The following TMEM98 variants were observed in gnomAD, a reference collection of about 807,000 sequenced individuals.
The protein encoded by TMEM98 is transmembrane protein 98.
Under a neutral mutation model 25.0 loss-of-function variants are expected in TMEM98, and 18 were observed. The ratio of observed to expected loss-of-function variants is 0.72; its 90% CI spans 0.50 to 1.07. TMEM98 has a LOEUF of 1.07. Among genes scored for constraint, TMEM98 ranks in the 50% least tolerant of loss-of-function variants. The probability of loss-of-function intolerance (pLI) is 0.00; values close to 1 mark genes in which losing one functional copy is unlikely to be tolerated. For missense variants in TMEM98, 241 were observed against 289.0 expected, an observed-to-expected ratio of 0.83 and a Z score of 1.20; for synonymous variants, 103 against 112.4, an observed-to-expected ratio of 0.92 and a Z score of 0.53.
intron 6 of TMEM98, among the ~76,000 whole-genome samples, chr17:32,938,812 C>A (rs541286092): frequency 6.6e-6 from 1 of 152,332 alleles, no homozygotes; most frequent in African/African-American, 2.4e-5. Flanking sequence ...TTCCCAACCC[C>A]ACATTTCAGA....
intron 1 of TMEM98, among the ~76,000 whole-genome samples, chr17:32,930,601 TAGAA>T (rs2091463027): frequency 6.6e-6 from 1 of 152,236 alleles, no homozygotes. Flanking sequence ...CTTTCTTCCT[TAGAA>T]AGGAAAAGTA....
intron 5 of TMEM98, among the ~76,000 whole-genome samples, chr17:32,935,923 C>T (rs2091493594): frequency 6.6e-6 from 1 of 152,102 alleles, no homozygotes; most frequent in Non-Finnish European, 1.5e-5. Flanking sequence ...AACAATTGCC[C>T]TTTGTTCAGC....
rs1186896118 is a variant in TMEM98, at chr17:32,931,499, C to T, written c.-30C>T. 1.3e-6 allele frequency: 2 copies of T among 1,599,770 alleles called. No individual in the cohort carries two copies. Among genetic ancestry groups the T allele is most frequent in the Non-Finnish European group, 8.5e-7 (1 of 1,173,394 alleles). On this transcript the variant is annotated 5_prime_UTR_variant, in exon 3 of 8. Transcript: ENST00000579849. ...GCTTTAGCCCATGAGGAGGATGTGACCGGGACTGAGTCAGGAGCCCTCTGG... is the reference window on the plus strand; with the variant it reads ...GCTTTAGCCCATGAGGAGGATGTGATCGGGACTGAGTCAGGAGCCCTCTGG...
chr17:32,934,576 A>C (rs1002974316), intron 5 of TMEM98, among the ~76,000 whole-genome samples: 2 of 152,234 alleles, frequency 1.3e-5, no homozygotes, highest in African/African-American at 4.8e-5. Context: ...AAGACAGCCT[A>C]GGTACACAGC....
chr17:32,939,671 C>A, intron 7 of TMEM98, 135 bp downstream of exon 7: 1 of 1,033,136 alleles, frequency 9.7e-7, no homozygotes. Context: ...CCGGGCCATG[C>A]GTGCCATTTA....
At position 32,941,695 on chromosome 17, in the gene TMEM98, A is replaced by G. The variant is rs2091532038; in HGVS notation, c.*702A>G. On this transcript the variant is annotated 3_prime_UTR_variant, in exon 8 of 8. Coordinates refer to ENST00000579849, the MANE Select transcript of TMEM98 (RefSeq NM_015544.3). ...ATTCATATGCATGGTGTATTGTGGG[A>G]CATACTTAGATGGAAGGAGAGAGCC... 6.6e-6 allele frequency: 1 copy of G among 152,174 alleles called. No individual in the cohort carries two copies. Among genetic ancestry groups the G allele is most frequent in the African/African-American group, 2.4e-5 (1 of 41,438 alleles). 9.4% of individuals were successfully genotyped at this position (152,174 alleles called of 1,614,324 possible).
In TMEM98 at chr17:32,931,349, C is replaced by A; in HGVS notation, c.-108C>A. 1 of 702,910 alleles carries A rather than the reference C, an allele frequency of 1.4e-6. No individual in the cohort carries two copies. Among genetic ancestry groups the A allele is most frequent in the Non-Finnish European group, 2.3e-6 (1 of 443,494 alleles). 43.5% of individuals were successfully genotyped at this position (702,910 alleles called of 1,614,324 possible). On this transcript the variant is annotated 5_prime_UTR_variant, in exon 2 of 8. Transcript: ENST00000579849. ...CAGGCCCTCAGGTCTCTGCAGGTGT[C>A]GTGGAGGAACCTAGCACCTGCCATC...
rs201515425 is a variant in TMEM98, at chr17:32,943,445, T to TC, written c.*2454dup. 36 of 152,268 alleles carry TC rather than the reference T, an allele frequency of 2.4e-4. No homozygotes were observed. The East Asian group carries it at 6.4e-3, about 27-fold the overall frequency. 9.4% of individuals were successfully genotyped at this position (152,268 alleles called of 1,614,324 possible). A position where few individuals can be genotyped will look rare whatever the true frequency, so the allele number is the denominator to read the frequency against. On this transcript the variant is annotated 3_prime_UTR_variant, in exon 8 of 8. Transcript: ENST00000579849. ...GTGGTTTCCCAGGCAACAGACACATTCCTAAGTGCCTAGTTCTCTAGCGTC... is the reference window on the plus strand; with the variant it reads ...GTGGTTTCCCAGGCAACAGACACATTCCCTAAGTGCCTAGTTCTCTAGCGTC...
rs747459135 is a variant in TMEM98, at chr17:32,931,625, C to A, written c.97C>A (p.Arg33=). Residue 33 remains arginine (R), a synonymous_variant, in exon 3 of 8, where the codon CGG becomes AGG. Coordinates refer to ENST00000579849, the MANE Select transcript of TMEM98 (RefSeq NM_015544.3). ...GCTGGTTTGCAGGCAGCGCTACTGC[C>A]GGCCGCGAGACCTGCTGCAGCGCTA... ...LVLVCRQRYC[R]PRDLLQRYDS... is the part of the protein sequence containing the mutation. The A allele has an allele frequency of 2.5e-6, 4 of 1,604,848 alleles. No individual in the cohort carries two copies. Among genetic ancestry groups the A allele is most frequent in the Non-Finnish European group, 3.4e-6 (4 of 1,176,282 alleles).
chr17:32,930,410 C>T (rs572913412), intron 1 of TMEM98, among the ~76,000 whole-genome samples: 1 of 152,148 alleles, frequency 6.6e-6, no homozygotes, highest in African/African-American at 2.4e-5. Context: ...TATACAAATG[C>T]ACGGACTTCT....
At chr17:32,938,637 C>T (rs1336697638) in intron 6 of TMEM98, among the ~76,000 whole-genome samples, 3 of 152,050 alleles carry the variant, frequency 2.0e-5, no homozygotes, top group Admixed American at 6.5e-5. Flanking sequence ...CCTTCTTTTT[C>T]GGTGTCTTAC....
chr17:32,936,400 A>G lies in TMEM98; in HGVS notation c.366A>G (p.Ser122=), dbSNP rs777107854. The change falls in exon 6 of 8, where the codon TCA becomes TCG. Residue 122 remains serine, a synonymous_variant. Coordinates refer to ENST00000579849, the MANE Select transcript of TMEM98 (RefSeq NM_015544.3). ...GCTCTGGGGCCAAGATGAAGACTTC[A>G]GCCAGTGTCAGCGACATCATTGTGG... ...TMGSGAKMKT[S]ASVSDIIVVA... 3.1e-6 allele frequency: 5 copies of G among 1,614,084 alleles called. No homozygotes were observed. The Admixed American group carries it at 5.0e-5, about 16-fold the overall frequency.
intron 5 of TMEM98, among the ~76,000 whole-genome samples, chr17:32,934,680 A>G (rs1292857408): frequency 1.3e-5 from 2 of 152,060 alleles, no homozygotes; most frequent in Non-Finnish European, 2.9e-5. Context: ...CTGCACACTC[A>G]TTTTCACTAA....
rs370029218 is a variant in TMEM98 at position 32,939,459 on chromosome 17, C to T, written c.414-18C>T. The T allele has an allele frequency of 3.7e-6, 6 of 1,612,566 alleles. No individual in the cohort carries two copies. Among genetic ancestry groups the T allele is most frequent in the Non-Finnish European group, 5.1e-6 (6 of 1,179,554 alleles). Reference sequence around the variant, plus strand: ...GATCAGGAAAGTGAAGTACTGAACACCTTTTGCCTCCGGTCAGGGTGGATG... The same window carrying T: ...GATCAGGAAAGTGAAGTACTGAACATCTTTTGCCTCCGGTCAGGGTGGATG... On this transcript the variant is annotated intron_variant, in intron 6 of 7. Transcript: ENST00000579849.
At chr17:32,933,403 C>A in intron 4 of TMEM98, 98 bp downstream of exon 4, 1 of 1,503,362 alleles carries the variant, frequency 6.7e-7, no homozygotes, top group South Asian at 1.2e-5. Flanking sequence ...CAAGAACAGT[C>A]ACTCTGTTAC....
At chr17:32,930,053 TC>T (rs1485174478) in intron 1 of TMEM98, among the ~76,000 whole-genome samples, 1 of 151,932 alleles carries the variant, frequency 6.6e-6, no homozygotes, top group Non-Finnish European at 1.5e-5. Context: ...GTTTGGACCC[TC>T]CGAGACATGG....
At chr17:32,934,450 A>T in intron 5 of TMEM98, 126 bp downstream of exon 5, 1 of 1,062,612 alleles carries the variant, frequency 9.4e-7, no homozygotes, top group Non-Finnish European at 1.4e-6. Flanking sequence ...TTAACTTGAC[A>T]CTTGGAATTT....
At position 32,937,886 on chromosome 17, in the gene TMEM98, C is replaced by A. The variant is rs115965171; in HGVS notation, c.413+1439C>A. ...GATTATAGGTGTGAGCCACCACACC[C>A]GGCCTCCTTCCCCATTAGTTTTAAA... On this transcript the variant is annotated intron_variant, in intron 6 of 7. Coordinates refer to ENST00000579849, the MANE Select transcript of TMEM98 (RefSeq NM_015544.3). Among the ~76,000 whole-genome samples, 901 of 152,276 alleles carry A rather than the reference C, an allele frequency of 5.9e-3. 8 individuals carry two copies. Among genetic ancestry groups the A allele is most frequent in the African/African-American group, 0.019 (804 of 41,558 alleles).
Position 32,933,256 on chromosome 17 carries a change from C to G in TMEM98, c.214C>G (p.Pro72Ala). 6.2e-7 allele frequency: 1 copy of G among 1,614,174 alleles called. No homozygotes were observed. The highest frequency in any genetic ancestry group is 8.5e-7 in the Non-Finnish European group (1 of 1,180,034). Residue 72 changes from proline to alanine, a missense_variant, in exon 4 of 8, where the codon CCC becomes GCC. Pro to Ala is a conservative substitution (Grantham distance 27). Coordinates refer to ENST00000579849, the MANE Select transcript of TMEM98 (RefSeq NM_015544.3). ...ACTGGACGATGTCGTTATCACCAAC[C>G]CCCACATTGAGGCCATTCTGGAGAA... is the stretch of plus-strand genomic sequence containing the variant. ...LELDDVVITN[P>A]HIEAILENED...
Sources: gnomAD v4.1 joint callset for allele counts (sites outside exome capture counted in the v4.1 genomes callset) on GRCh38, gnomAD v4.1.1 for gene constraint, MANE v1.5 for transcripts, NCBI Gene and HGNC (gene_info 2026-07-23, HGNC 2026-07-21) for gene names.